Variants in FAN1 observed in about 807,000 individuals in gnomAD.
FAN1 encodes FANCD2 and FANCI associated nuclease 1.
FAN1 carries 91 observed loss-of-function variants against 104.9 expected under a neutral mutation model. The observed-to-expected ratio is 0.87, with a 90% CI of 0.73 to 1.03. The LOEUF (loss-of-function observed/expected upper bound fraction) is 1.03. FAN1 is among the 50% of genes least tolerant of loss of function. FAN1 has a pLI of 0.00. For synonymous variants in FAN1, 478 were observed against 457.6 expected, an observed-to-expected ratio of 1.04 and a Z score of -0.57; for missense variants, 1,263 against 1,239.9, an observed-to-expected ratio of 1.02 and a Z score of -0.28.
At chr15:30,911,073 T>G in intron 4 of FAN1, 2 of 1,218,888 alleles carry the variant, frequency 1.6e-6, no homozygotes, top group Non-Finnish European at 2.0e-6. Context: ...TGTAGTATTT[T>G]ATTTTCCGAG....
Position 30,918,180 on chromosome 15 carries a change from C to G in FAN1, c.1828C>G (p.His610Asp). The G allele has an allele frequency of 6.2e-7, 1 of 1,614,004 alleles. No homozygotes were observed. Among genetic ancestry groups the G allele is most frequent in the South Asian group, 1.1e-5 (1 of 91,072 alleles). The part of the protein sequence containing the change: ...DDLIRYAAAT[H>D]MLSDISSAMA... ...TTCCTCCAGATATGCAGCAGCCACG[C>G]ACATGCTGAGTGACATTTCTTCCGC... Residue 610 changes from histidine to aspartate, a missense_variant, in exon 6 of 15, where the codon CAC becomes GAC. Around this residue, in one of 2 missense-constraint regions of FAN1, gnomAD observed 581 missense variants for 668.8 expected, o/e 0.87. Transcript: ENST00000362065.
chr15:30,941,233 T>C, intron 14 of FAN1: 1 of 1,422,640 alleles, frequency 7.0e-7, no homozygotes, highest in Non-Finnish European at 9.3e-7. Flanking sequence ...AACAGTTTGA[T>C]CACGGTTACA....
Position 30,922,318 on chromosome 15 carries a change from C to T in FAN1, c.2136C>T (p.Ala712=). ...GAGGCCGATGGTGGGATCGACTGGC[C>T]CTTAATTTACACCAGCACTTGAAGC... ...DSRGRWWDRL[A]LNLHQHLKRL... Residue 712 remains alanine (A), a synonymous_variant, in exon 8 of 15, where the codon GCC becomes GCT. Coordinates refer to ENST00000362065, the MANE Select transcript of FAN1 (RefSeq NM_014967.5). 1 of 1,613,816 alleles carries T rather than the reference C, an allele frequency of 6.2e-7. No homozygotes were observed. Among genetic ancestry groups the T allele is most frequent in the Non-Finnish European group, 8.5e-7 (1 of 1,179,964 alleles).
chr15:30,913,227 C>T (rs569544090), intron 4 of FAN1, among the ~76,000 whole-genome samples: 67 of 152,214 alleles, frequency 4.4e-4, no homozygotes, highest in African/African-American at 1.4e-3. Flanking sequence ...ACTGCGCATG[C>T]GAGGGATCTA....
chr15:30,928,017 C>G, intron 10 of FAN1: 12 of 986,854 alleles, frequency 1.2e-5, no homozygotes, highest in Non-Finnish European at 1.1e-5. Flanking sequence ...AAGCACTGGG[C>G]TAGGGCAGTG....
rs766350034 is a variant in FAN1, at chr15:30,937,136, C to T, written c.2934C>T (p.Gly978=). 1 of 1,612,690 alleles carries T rather than the reference C, an allele frequency of 6.2e-7. No homozygotes were observed. The highest frequency in any genetic ancestry group is 1.3e-5 in the African/African-American group (1 of 74,854). ...SRHFKLVEVK[G]PNDRLSHKQM... The stretch of plus-strand genomic sequence containing the variant: ...TTTTCCAGCTGGTGGAAGTTAAAGG[C>T]CCCAATGATCGTCTTTCACATAAGC... Residue 978 remains glycine (G), a synonymous_variant, in exon 14 of 15, where the codon GGC becomes GGT. Coordinates refer to ENST00000362065, the MANE Select transcript of FAN1 (RefSeq NM_014967.5).
At chr15:30,923,488 T>A (rs1362317075) in intron 8 of FAN1, among the ~76,000 whole-genome samples, 1 of 152,220 alleles carries the variant, frequency 6.6e-6, no homozygotes, top group East Asian at 1.9e-4. Flanking sequence ...CCTCCTAACC[T>A]CTGTTTCCAG....
At chr15:30,920,925 A>C (rs1193460480) in intron 7 of FAN1, among the ~76,000 whole-genome samples, 1 of 152,192 alleles carries the variant, frequency 6.6e-6, no homozygotes, top group Non-Finnish European at 1.5e-5. Flanking sequence ...CTGGGACTAC[A>C]GGCGTGCGCC....
intron 10 of FAN1, 65 bp downstream of exon 10, chr15:30,926,004 G>A: frequency 1.3e-6 from 2 of 1,534,998 alleles, no homozygotes; most frequent in Non-Finnish European, 9.0e-7. Flanking sequence ...CACTGGATGG[G>A]CTGTCAGCAG....
chr15:30,912,914 C>T (rs998114578), intron 4 of FAN1, among the ~76,000 whole-genome samples: 12 of 152,196 alleles, frequency 7.9e-5, no homozygotes, highest in Admixed American at 3.3e-4. Context: ...CTGCTAGAGT[C>T]AGAGGGCCCA....
intron 5 of FAN1, among the ~76,000 whole-genome samples, chr15:30,915,121 C>T (rs2062175164): frequency 6.6e-6 from 1 of 152,074 alleles, no homozygotes; most frequent in Non-Finnish European, 1.5e-5. Flanking sequence ...TACTGTTCAG[C>T]CATAAAAAAG....
At chr15:30,932,883 T>A (rs2062753311) in intron 13 of FAN1, among the ~76,000 whole-genome samples, 1 of 151,558 alleles carries the variant, frequency 6.6e-6, no homozygotes, top group Non-Finnish European at 1.5e-5. Context: ...TGGATAATTT[T>A]TTTTTTTTTT....
At chr15:30,934,265 A>T (rs1192421730) in intron 13 of FAN1, among the ~76,000 whole-genome samples, 2 of 151,906 alleles carry the variant, frequency 1.3e-5, no homozygotes, top group Admixed American at 1.3e-4. Context: ...TTTAATGTTA[A>T]CATGATACAT....
chr15:30,905,281 G>A lies in FAN1; in HGVS notation c.618G>A (p.Leu206=). 1 of 1,613,984 alleles carries A rather than the reference G, an allele frequency of 6.2e-7. No homozygotes were observed. Among genetic ancestry groups the A allele is most frequent in the Non-Finnish European group, 8.5e-7 (1 of 1,180,012 alleles). Residue 206 remains leucine (L), a synonymous_variant, in exon 2 of 15, where the codon TTG becomes TTA. Transcript: ENST00000362065. The part of the protein sequence containing the change: ...SSEIEDEDQI[L]ENSSQKENVF... ...AAATTGAGGACGAGGATCAAATTTT[G>A]GAGAACAGTTCTCAAAAAGAAAACG...
In FAN1 at chr15:30,918,243, G is replaced by A. The variant is rs374712647; in HGVS notation, c.1891G>A (p.Ala631Thr). Residue 631 changes from alanine (A) to threonine (T), a missense_variant, in exon 6 of 15, where the codon GCT becomes ACT. By Grantham distance (58) the Ala-to-Thr change is moderately conservative. Coordinates refer to ENST00000362065, the MANE Select transcript of FAN1 (RefSeq NM_014967.5). The part of the protein sequence containing the change: ...NGNWEEAKEL[A>T]QCAKRDWNRL... ...GAACTGGGAAGAAGCTAAGGAGCTC[G>A]CTCAGTGTGCAAAAAGGGATTGGAA... 3.5e-5 allele frequency: 56 copies of A among 1,613,928 alleles called. No homozygotes were observed. Among genetic ancestry groups the A allele is most frequent in the Non-Finnish European group, 4.5e-5 (53 of 1,179,990 alleles).
rs759653645 is a variant in FAN1, at chr15:30,910,686, C to T, written c.1448C>T (p.Thr483Ile). 5 of 1,614,024 alleles carry T rather than the reference C, an allele frequency of 3.1e-6. No individual in the cohort carries two copies. In the South Asian group the frequency reaches 3.3e-5, roughly 11 times the overall value. Reference protein sequence around the residue: ...SAPELKSLAKTFHLVNPNGQK... With the variant: ...SAPELKSLAKIFHLVNPNGQK... ...CCTGAACTAAAATCCCTAGCCAAGA[C>T]CTTCCACTTGGTGAATCCCAATGGA... The change falls in exon 4 of 15, where the codon ACC becomes ATC. Residue 483 changes from threonine to isoleucine, a missense_variant. Transcript: ENST00000362065.
intron 6 of FAN1, among the ~76,000 whole-genome samples, chr15:30,919,709 A>G (rs868270761): frequency 2.4e-4 from 36 of 150,658 alleles, no homozygotes; most frequent in Non-Finnish European, 1.2e-4. Context: ...AAAAAAAAAA[A>G]GAAAATCATA....
intron 6 of FAN1, among the ~76,000 whole-genome samples, chr15:30,919,177 C>CT (rs1267802177): frequency 6.6e-6 from 1 of 150,838 alleles, no homozygotes; most frequent in African/African-American, 2.4e-5. Context: ...GGTCGGGAGT[C>CT]TGAGACCAGC....
At chr15:30,940,165 A>C (rs1052942660) in intron 14 of FAN1, 10 of 985,356 alleles carry the variant, frequency 1.0e-5, no homozygotes, top group African/African-American at 5.2e-5. Context: ...TCCATGTTTT[A>C]AGCGGGGAAT....
Sources: gnomAD v4.1 joint callset for allele counts (sites outside exome capture counted in the v4.1 genomes callset) on GRCh38, gnomAD v4.1.1 for gene constraint, gnomAD v4.1.1 regional missense constraint, MANE v1.5 for transcripts, NCBI Gene and HGNC (gene_info 2026-07-23, HGNC 2026-07-21) for gene names.